Variants in NAALADL2 observed in about 807,000 individuals in gnomAD.
NAALADL2 encodes inactive N-acetylated-alpha-linked acidic dipeptidase-like protein 2.
A neutral mutation model predicts 87.2 loss-of-function variants in NAALADL2; 76 were observed. That is an observed-to-expected ratio of 0.87 (90% CI 0.72 to 1.05). The LOEUF (loss-of-function observed/expected upper bound fraction) is 1.05. Ranked by LOEUF, NAALADL2 falls within the 50% of genes least tolerant of loss-of-function variation. The probability of loss-of-function intolerance (pLI) is 0.00; values close to 1 mark genes in which losing one functional copy is unlikely to be tolerated. For synonymous variants in NAALADL2, 354 were observed against 331.0 expected (o/e 1.07, Z -0.75); for missense variants, 1,089 against 945.8 (o/e 1.15, Z -1.99).
intron 13 of NAALADL2, among the ~76,000 whole-genome samples, chr3:175,795,856 G>A (rs368045838): frequency 2.0e-4 from 31 of 151,708 alleles, no homozygotes; most frequent in East Asian, 1.6e-3. Context: ...TGCCCTTTAA[G>A]CTTTACTTAG....
chr3:175,345,775 A>G (rs372451806), intron 5 of NAALADL2, among the ~76,000 whole-genome samples: 11 of 152,230 alleles, frequency 7.2e-5, no homozygotes, highest in Middle Eastern at 3.4e-3. Context: ...GTGATTGTCA[A>G]TAGGATGTTT....
At chr3:175,688,674 T>C (rs1209105773) in intron 11 of NAALADL2, among the ~76,000 whole-genome samples, 1 of 151,788 alleles carries the variant, frequency 6.6e-6, no homozygotes, top group Non-Finnish European at 1.5e-5. Context: ...GACGGTGAGA[T>C]GGAGAGGAGG....
intron 2 of NAALADL2, among the ~76,000 whole-genome samples, chr3:175,099,314 G>A (rs1271224375): frequency 6.6e-6 from 1 of 152,126 alleles, no homozygotes; most frequent in Non-Finnish European, 1.5e-5. Context: ...TAACATGTAT[G>A]TCAAAGCTAG....
rs532973372 is a variant in NAALADL2, at chr3:174,748,886, T to G, written c.-9+11140T>G. 2.0e-5 allele frequency among the ~76,000 whole-genome samples: 3 copies of G among 152,332 alleles called. No individual in the cohort carries two copies. In the East Asian group the frequency reaches 5.8e-4, roughly 29 times the overall value. On this transcript the variant is annotated intron_variant, in intron 3 of 3. Coordinates refer to the NAALADL2 transcript ENST00000434257. Reference sequence around the variant, plus strand: ...TACATGGTTGTAACCTCTGAATTGGTAAATGTAATTTTATTCATTTTTATT... The same window carrying G: ...TACATGGTTGTAACCTCTGAATTGGGAAATGTAATTTTATTCATTTTTATT...
At chr3:175,556,871 G>A (rs529353240) in intron 9 of NAALADL2, among the ~76,000 whole-genome samples, 1 of 152,190 alleles carries the variant, frequency 6.6e-6, no homozygotes, top group South Asian at 2.1e-4. Context: ...CTCATTCTTA[G>A]AAACAGTTCA....
chr3:174,787,815 A>G (rs1413294508), intron 3 of NAALADL2, among the ~76,000 whole-genome samples: 1 of 151,288 alleles, frequency 6.6e-6, no homozygotes, highest in Non-Finnish European at 1.5e-5. Context: ...TAACTTTTAT[A>G]CCTTTTACCT....
chr3:174,506,394 T>A (rs1278534242), intron 1 of NAALADL2, among the ~76,000 whole-genome samples: 1 of 152,042 alleles, frequency 6.6e-6, no homozygotes, highest in African/African-American at 2.4e-5. Context: ...TTGGCCAGGC[T>A]GGTCTCAAAC....
chr3:175,252,357 G>A (rs1377555577), intron 3 of NAALADL2, among the ~76,000 whole-genome samples: 6 of 152,034 alleles, frequency 3.9e-5, no homozygotes, highest in Non-Finnish European at 8.8e-5. Context: ...AGTAATCTCA[G>A]ATGTTACCAT....
At chr3:174,871,686 G>C (rs1727839724) in intron 1 of NAALADL2, among the ~76,000 whole-genome samples, 1 of 152,154 alleles carries the variant, frequency 6.6e-6, no homozygotes, top group African/African-American at 2.4e-5. Context: ...ATCACCTCGG[G>C]TCAGAAGTTC....
chr3:175,733,724 G>A (rs1744104705), intron 11 of NAALADL2, among the ~76,000 whole-genome samples: 1 of 152,218 alleles, frequency 6.6e-6, no homozygotes, highest in Admixed American at 6.5e-5. Flanking sequence ...CTATGAGCCT[G>A]TAAAATCAAA....
At chr3:175,532,729 G>A (rs528781636) in intron 9 of NAALADL2, among the ~76,000 whole-genome samples, 21 of 152,312 alleles carry the variant, frequency 1.4e-4, no homozygotes, top group African/African-American at 5.1e-4. Flanking sequence ...GTCGCCACCT[G>A]GCTCCTGCCA....
chr3:175,797,659 G>T (rs772742344), intron 13 of NAALADL2, among the ~76,000 whole-genome samples: 53 of 152,142 alleles, frequency 3.5e-4, no homozygotes, highest in Non-Finnish European at 2.8e-4. Flanking sequence ...TGAAAAATGG[G>T]TCTATAATGG....
chr3:174,789,498 C>A (rs546141133), intron 3 of NAALADL2, among the ~76,000 whole-genome samples: 6 of 152,292 alleles, frequency 3.9e-5, no homozygotes, highest in South Asian at 4.2e-4. Context: ...TGGCTCTCAT[C>A]AAGAACCCTG....
intron 1 of NAALADL2, among the ~76,000 whole-genome samples, chr3:174,990,208 G>A (rs751561171): frequency 5.9e-5 from 9 of 152,178 alleles, no homozygotes; most frequent in East Asian, 1.9e-4. Flanking sequence ...GTTCTAAGTC[G>A]AAACTATTGA....
rs575900510 is a variant in NAALADL2, at chr3:175,718,892, CCAA to C, written c.1897-18404_1897-18402del. On this transcript the variant is annotated intron_variant, in intron 11 of 13. Transcript: ENST00000454872. ...CAAAAAACAAAAAACACCACCACCA[CCAA>C]CAACAACAAAAAACAAGGATAATGT... Among the ~76,000 whole-genome samples the C allele has an allele frequency of 2.1e-3, 325 of 152,056 alleles. 4 individuals are homozygous for C. Among genetic ancestry groups the C allele is most frequent in the African/African-American group, 7.0e-3 (291 of 41,512 alleles).
chr3:175,072,695 G>T (rs1311665108), intron 1 of NAALADL2, among the ~76,000 whole-genome samples: 2 of 100,098 alleles, frequency 2.0e-5, no homozygotes, highest in African/African-American at 3.9e-5. Context: ...AAACGGGGTG[G>T]GGGGAGGGGG....
chr3:174,789,550 G>A (rs1717210559), intron 3 of NAALADL2, among the ~76,000 whole-genome samples: 1 of 152,166 alleles, frequency 6.6e-6, no homozygotes, highest in African/African-American at 2.4e-5. Context: ...GATTAATGGT[G>A]CCTTCTAGAA....
rs572230222 is a variant in NAALADL2 at position 175,407,341 on chromosome 3, C to T, written c.1091-39888C>T. ...CCAGTTGACATTCACATTCTTAGCA[C>T]GTATCAGACATTCACAGAATGTGGC... is the stretch of plus-strand genomic sequence containing the variant. On this transcript the variant is annotated intron_variant, in intron 5 of 13. Coordinates refer to ENST00000454872, the MANE Select transcript of NAALADL2 (RefSeq NM_207015.3). 1.8e-4 allele frequency among the ~76,000 whole-genome samples: 27 copies of T among 152,258 alleles called. No homozygotes were observed. In the South Asian group the frequency reaches 2.3e-3, roughly 13 times the overall value.
intron 2 of NAALADL2, among the ~76,000 whole-genome samples, chr3:175,164,966 T>G (rs1216577181): frequency 6.6e-6 from 1 of 152,176 alleles, no homozygotes; most frequent in Admixed American, 6.6e-5. Context: ...AACTATTTTC[T>G]GCCGCACCCC....
Sources: gnomAD v4.1 joint callset for allele counts (sites outside exome capture counted in the v4.1 genomes callset) on GRCh38, gnomAD v4.1.1 for gene constraint, MANE v1.5 for transcripts, NCBI Gene and HGNC (gene_info 2026-07-23, HGNC 2026-07-21) for gene names.